The following PCDHGA2 variants were observed in gnomAD, a reference collection of about 807,000 sequenced individuals.
PCDHGA2 encodes protocadherin gamma subfamily A, 2.
PCDHGA2 carries 40 observed loss-of-function variants against 59.2 expected under a neutral mutation model. The ratio of observed to expected loss-of-function variants is 0.68; its 90% confidence interval spans 0.52 to 0.88. The LOEUF (loss-of-function observed/expected upper bound fraction) is 0.88. Among genes scored for constraint, PCDHGA2 ranks in the 40% least tolerant of loss-of-function variants. The pLI, the probability that PCDHGA2 is intolerant of heterozygous loss-of-function variation, is 0.00. For synonymous variants in PCDHGA2, 560 were observed against 526.0 expected, an observed-to-expected ratio of 1.06 and a Z score of -0.89; for missense variants, 1,226 against 1,204.0, an observed-to-expected ratio of 1.02 and a Z score of -0.27.
intron 1 of PCDHGA2, among the ~76,000 whole-genome samples, chr5:141,359,151 T>C (rs1761131965): frequency 6.6e-6 from 1 of 152,200 alleles, no homozygotes; most frequent in South Asian, 2.1e-4. Flanking sequence ...GAATATGATA[T>C]GATGCAGTTA....
rs1486791355 is a variant in PCDHGA2 at position 141,476,804 on chromosome 5, A to G, written c.2425-18003A>G. Reference sequence around the variant, plus strand: ...CCCAGCTCTCTCCGCCAGCCTGCCTATTCACATCAAGGTGCTGGACGCGAA... The same window carrying G: ...CCCAGCTCTCTCCGCCAGCCTGCCTGTTCACATCAAGGTGCTGGACGCGAA... On this transcript the variant is annotated intron_variant, in intron 1 of 3. Coordinates refer to ENST00000394576, the MANE Select transcript of PCDHGA2 (RefSeq NM_018915.4). The surrounding 1 kb of genome is among the most constrained non-coding windows in gnomAD (Gnocchi z 7.6). 5 of 1,613,476 alleles carry G rather than the reference A, an allele frequency of 3.1e-6. No individual in the cohort carries two copies. Among genetic ancestry groups the G allele is most frequent in the South Asian group, 2.2e-5 (2 of 91,080 alleles).
chr5:141,449,098 G>A (rs1314761371), intron 1 of PCDHGA2, among the ~76,000 whole-genome samples: 1 of 152,140 alleles, frequency 6.6e-6, no homozygotes, highest in Admixed American at 6.5e-5. Context: ...TTTTACATAT[G>A]CAGTATATCT....
intron 1 of PCDHGA2, chr5:141,350,478 A>T (rs527554810): frequency 6.2e-7 from 1 of 1,614,010 alleles, no homozygotes; most frequent in Admixed American, 1.7e-5. Flanking sequence ...GATTATTTCA[A>T]CGTTAGTTTG....
intron 1 of PCDHGA2, chr5:141,478,585 T>A (rs1474599564): frequency 1.3e-5 from 20 of 1,576,728 alleles, no homozygotes; most frequent in Non-Finnish European, 1.7e-5. Flanking sequence ...TGTTAGTGCT[T>A]TTTTATTCCT....
chr5:141,366,389 C>G, intron 1 of PCDHGA2: 1 of 1,614,168 alleles, frequency 6.2e-7, no homozygotes. Flanking sequence ...CCCTGAGGAT[C>G]TGGACCTCAC....
chr5:141,421,953 G>A lies in PCDHGA2; in HGVS notation c.2425-72854G>A, dbSNP rs193141134. On this transcript the variant is annotated intron_variant, in intron 1 of 3. Coordinates refer to ENST00000394576, the MANE Select transcript of PCDHGA2 (RefSeq NM_018915.4). ...TCGATGTAAATGATCACATCCCAATGTTTACACAGTCCGTATATCGCGTGA... is the reference window on the plus strand; with the variant it reads ...TCGATGTAAATGATCACATCCCAATATTTACACAGTCCGTATATCGCGTGA... 1.8e-4 allele frequency: 295 copies of A among 1,612,962 alleles called. 5 individuals are homozygous for A. In the East Asian group the frequency reaches 4.0e-3, roughly 22 times the overall value.
intron 1 of PCDHGA2, chr5:141,413,082 A>C: frequency 3.7e-6 from 5 of 1,344,442 alleles, no homozygotes; most frequent in Non-Finnish European, 5.1e-6. Context: ...CCCAGGCTAC[A>C]GAGACACCCT....
chr5:141,353,442 C>T (rs114046983), intron 1 of PCDHGA2, among the ~76,000 whole-genome samples: 529 of 152,194 alleles, frequency 3.5e-3, no homozygotes, highest in Middle Eastern at 6.8e-3. Context: ...TTTGCAGCAA[C>T]ATGTATGTTT....
chr5:141,431,273 C>T lies in PCDHGA2; in HGVS notation c.2425-63534C>T, dbSNP rs752219345. 54 of 1,614,068 alleles carry T rather than the reference C, an allele frequency of 3.3e-5. No individual in the cohort carries two copies. Among genetic ancestry groups the T allele is most frequent in the Non-Finnish European group, 4.1e-5 (48 of 1,180,052 alleles). On this transcript the variant is annotated intron_variant, in intron 1 of 3. Transcript: ENST00000394576. The surrounding 1 kb of genome is among the most constrained non-coding windows in gnomAD (Gnocchi z 4.8). Reference sequence around the variant, plus strand: ...GAAGAACTCTCTGCAGAGCTACGAGCTCAGCCCGAACACTCACTTCTCCCT... The same window carrying T: ...GAAGAACTCTCTGCAGAGCTACGAGTTCAGCCCGAACACTCACTTCTCCCT...
chr5:141,362,481 T>C (rs1372374751), intron 1 of PCDHGA2: 16 of 1,613,962 alleles, frequency 9.9e-6, no homozygotes, highest in Non-Finnish European at 1.4e-5. Context: ...ATCTCGTCTG[T>C]GACAATGCCT....
chr5:141,414,255 G>A (rs776584940), intron 1 of PCDHGA2: 12 of 1,613,350 alleles, frequency 7.4e-6, no homozygotes, highest in Non-Finnish European at 1.0e-5. Flanking sequence ...TTAGTCCAGT[G>A]ACTGAAGATT....
In PCDHGA2 at chr5:141,505,090, A is replaced by C. The variant is rs1018571873; in HGVS notation, c.2484-303A>C. Among the ~76,000 whole-genome samples the C allele has an allele frequency of 3.9e-5, 6 of 152,188 alleles. 1 individual carries two copies. The South Asian group carries it at 1.2e-3, about 31-fold the overall frequency. ...GGCAGGAGAATCGCTTGAACCCAGG[A>C]GGTGGATGTTGCAATGAGCCAAGAT... On this transcript the variant is annotated intron_variant, in intron 2 of 3. Transcript: ENST00000394576.
intron 1 of PCDHGA2, among the ~76,000 whole-genome samples, chr5:141,447,542 T>G (rs980012061): frequency 1.3e-5 from 2 of 152,216 alleles, no homozygotes; most frequent in African/African-American, 4.8e-5. Context: ...TGGGTTTTAA[T>G]GTTATGAGTA....
At chr5:141,421,473 C>G (rs907282414) in intron 1 of PCDHGA2, 14 of 1,614,112 alleles carry the variant, frequency 8.7e-6, no homozygotes, top group African/African-American at 1.3e-5. Flanking sequence ...ATCCGCGAAG[C>G]GGCAGCTTGA....
intron 1 of PCDHGA2, chr5:141,404,577 T>C (rs2094542300): frequency 6.2e-7 from 1 of 1,613,954 alleles, no homozygotes; most frequent in South Asian, 1.1e-5. Context: ...AGCCCACCAC[T>C]TAGCAGCAAT....
At chr5:141,429,801 C>T (rs2097245893) in intron 1 of PCDHGA2, among the ~76,000 whole-genome samples, 1 of 152,104 alleles carries the variant, frequency 6.6e-6, no homozygotes, top group African/African-American at 2.4e-5. Flanking sequence ...CAGTAATTCT[C>T]AGTAATTACA....
At chr5:141,422,745 C>G (rs1380262961) in intron 1 of PCDHGA2, 15 of 1,610,564 alleles carry the variant, frequency 9.3e-6, no homozygotes, top group Non-Finnish European at 1.3e-5. Flanking sequence ...CCTCCTATGT[C>G]TCTATTAACT....
chr5:141,414,161 G>A (rs960511656), intron 1 of PCDHGA2: 1 of 1,603,276 alleles, frequency 6.2e-7, no homozygotes, highest in Non-Finnish European at 8.5e-7. Flanking sequence ...GAAGATGGAG[G>A]AGCATATCTT....
At chr5:141,500,959 C>T (rs2099804326) in intron 2 of PCDHGA2, among the ~76,000 whole-genome samples, 1 of 152,022 alleles carries the variant, frequency 6.6e-6, no homozygotes, top group South Asian at 2.1e-4. Flanking sequence ...AGCTCCACCT[C>T]CTGGGTTCAA....
Sources: allele counts gnomAD v4.1 joint callset (sites outside exome capture counted in the v4.1 genomes callset), GRCh38; gene constraint gnomAD v4.1.1; non-coding constraint Gnocchi (gnomAD v3.1); transcripts MANE v1.5; gene names NCBI Gene and HGNC (gene_info 2026-07-23, HGNC 2026-07-21).